DRC11: variants seen among roughly 807,000 people sequenced by gnomAD.
DRC11 encodes dynein regulatory complex subunit 11.
At chr2:236,381,793 C>T in the DRC11 span, among the ~76,000 whole-genome samples, 3 of 152,070 alleles carry the variant, frequency 2.0e-5, no homozygotes, top group Admixed American at 2.0e-4. This position sits in a 1 kb window ranked among gnomAD's most constrained non-coding sequence, Gnocchi z 5.8. Flanking sequence ...AATTGGGTTG[C>T]TTGTTTCTTA....
At chr2:236,493,875 T>C in the DRC11 span, 1 of 1,602,036 alleles carries the variant, frequency 6.2e-7, no homozygotes, top group Non-Finnish European at 8.5e-7. Flanking sequence ...GGTATGGGAA[T>C]ATCTAATTGT....
chr2:236,490,815 G>C, the DRC11 span, among the ~76,000 whole-genome samples: 1 of 150,738 alleles, frequency 6.6e-6, no homozygotes, highest in East Asian at 2.0e-4. This position sits in a 1 kb window ranked among gnomAD's most constrained non-coding sequence, Gnocchi z 5.5. Flanking sequence ...GCGTGTGTGT[G>C]TATATATATA....
chr2:236,372,327 C>T, the DRC11 span, among the ~76,000 whole-genome samples: 11 of 152,092 alleles, frequency 7.2e-5, no homozygotes, highest in Non-Finnish European at 1.2e-4. This position sits in a 1 kb window ranked among gnomAD's most constrained non-coding sequence, Gnocchi z 4.5. Context: ...ATCTTGACAT[C>T]GTTTTCCAGT....
the DRC11 span, among the ~76,000 whole-genome samples, chr2:236,491,176 TATATACAC>T: frequency 1.7e-4 from 10 of 58,240 alleles, no homozygotes; most frequent in African/African-American, 7.9e-4. Context: ...TATATATATA[TATATACAC>T]ACAGTATATA....
chr2:236,413,759 G>C, the DRC11 span, among the ~76,000 whole-genome samples: 2 of 152,326 alleles, frequency 1.3e-5, no homozygotes, highest in African/African-American at 4.8e-5. The surrounding 1 kb of genome is among the most constrained non-coding windows in gnomAD (Gnocchi z 4.0). Flanking sequence ...ATGTTCATGT[G>C]ATCATGTTAT....
chr2:236,501,791 A>G, the DRC11 span, among the ~76,000 whole-genome samples: 14 of 152,206 alleles, frequency 9.2e-5, no homozygotes, highest in Non-Finnish European at 5.9e-5. Context: ...CAAACCTGCC[A>G]GGACAACATT....
At chr2:236,460,015 T>C in the DRC11 span, among the ~76,000 whole-genome samples, 1 of 152,180 alleles carries the variant, frequency 6.6e-6, no homozygotes, top group Non-Finnish European at 1.5e-5. The surrounding 1 kb of genome is among the most constrained non-coding windows in gnomAD (Gnocchi z 4.0). Context: ...GTGTGTCCTA[T>C]TGGAATTTAT....
chr2:236,418,725 G>A, the DRC11 span, among the ~76,000 whole-genome samples: 5 of 152,168 alleles, frequency 3.3e-5, no homozygotes, highest in Admixed American at 6.5e-5. Flanking sequence ...AGATGTCAGC[G>A]CTAGATGATA....
chr2:236,401,859 C>T, the DRC11 span, among the ~76,000 whole-genome samples: 2 of 152,112 alleles, frequency 1.3e-5, no homozygotes, highest in African/African-American at 4.8e-5. This position sits in a 1 kb window ranked among gnomAD's most constrained non-coding sequence, Gnocchi z 4.6. Context: ...CTGCATCCCT[C>T]GTGATTTTTG....
At chr2:236,392,098 T>G in the DRC11 span, 5 of 1,600,460 alleles carry the variant, frequency 3.1e-6, no homozygotes, top group Non-Finnish European at 4.3e-6. The surrounding 1 kb of genome is among the most constrained non-coding windows in gnomAD (Gnocchi z 5.1). Context: ...CATACTACTT[T>G]TAAGTCACTT....
the DRC11 span, among the ~76,000 whole-genome samples, chr2:236,459,129 A>G: frequency 6.6e-6 from 1 of 152,134 alleles, no homozygotes. Context: ...TACATATATA[A>G]CTACATTTTA....
chr2:236,486,856 TCTCA>T, the DRC11 span: 2 of 1,610,996 alleles, frequency 1.2e-6, no homozygotes, highest in Non-Finnish European at 1.7e-6. The surrounding 1 kb of genome is among the most constrained non-coding windows in gnomAD (Gnocchi z 5.7). Flanking sequence ...TCTCCTCTTC[TCTCA>T]GTTTTTCAGT....
the DRC11 span, chr2:236,441,090 C>A: frequency 3.2e-6 from 5 of 1,562,024 alleles, no homozygotes; most frequent in South Asian, 5.9e-5. Flanking sequence ...CCTTCTTCAA[C>A]GTCAGGGTAG....
At chr2:236,364,120 C>T in the DRC11 span, 2 of 695,524 alleles carry the variant, frequency 2.9e-6, no homozygotes, top group Non-Finnish European at 4.8e-6. Flanking sequence ...CATTTCAAAC[C>T]AGAGACACGC....
At chr2:236,478,468 G>A in the DRC11 span, among the ~76,000 whole-genome samples, 1 of 152,088 alleles carries the variant, frequency 6.6e-6, no homozygotes, top group East Asian at 1.9e-4. The surrounding 1 kb of genome is among the most constrained non-coding windows in gnomAD (Gnocchi z 5.9). Flanking sequence ...CTATATTCTG[G>A]AGACTATTCC....
the DRC11 span, among the ~76,000 whole-genome samples, chr2:236,444,647 G>A: frequency 6.6e-6 from 1 of 152,164 alleles, no homozygotes; most frequent in Admixed American, 6.5e-5. Context: ...TTCTGACACT[G>A]AACTGTCATC....
the DRC11 span, among the ~76,000 whole-genome samples, chr2:236,307,723 C>T: frequency 6.6e-6 from 1 of 152,152 alleles, no homozygotes; most frequent in Non-Finnish European, 1.5e-5. This position sits in a 1 kb window ranked among gnomAD's most constrained non-coding sequence, Gnocchi z 7.0. Context: ...TTCATCCCAC[C>T]GGTGTTGAGG....
At chr2:236,460,539 G>A in the DRC11 span, among the ~76,000 whole-genome samples, 1 of 152,120 alleles carries the variant, frequency 6.6e-6, no homozygotes, top group African/African-American at 2.4e-5. This position sits in a 1 kb window ranked among gnomAD's most constrained non-coding sequence, Gnocchi z 4.0. Flanking sequence ...TCTTAAAAAT[G>A]TAAAATCAAC....
chr2:236,374,288 T>C, the DRC11 span, among the ~76,000 whole-genome samples: 4 of 152,292 alleles, frequency 2.6e-5, no homozygotes, highest in Non-Finnish European at 5.9e-5. Flanking sequence ...CTGCCATCTT[T>C]CAAGCTAAGG....
Sources: allele counts gnomAD v4.1 joint callset (sites outside exome capture counted in the v4.1 genomes callset), GRCh38; gene constraint gnomAD v4.1.1; non-coding constraint Gnocchi (gnomAD v3.1); transcripts MANE v1.5; gene names NCBI Gene and HGNC (gene_info 2026-07-23, HGNC 2026-07-21).